The following CUX2 variants were observed in gnomAD, a reference collection of about 807,000 sequenced individuals.
CUX2 encodes cut like homeobox 2.
In CUX2, 40 loss-of-function variants were observed where a neutral mutation model predicts 144.8. That is an observed-to-expected ratio of 0.28 (90% CI 0.21 to 0.36). CUX2 has a LOEUF of 0.36. Among genes scored for constraint, CUX2 ranks in the 10% least tolerant of loss-of-function variants. The pLI is 1.00. For synonymous variants in CUX2, 827 were observed against 875.6 expected (o/e 0.94, Z 0.98); for missense variants, 1,615 against 1,994.0 (o/e 0.81, Z 3.62).
At chr12:111,115,387 G>A (rs532754968) in intron 1 of CUX2, among the ~76,000 whole-genome samples, 2 of 141,724 alleles carry the variant, frequency 1.4e-5, no homozygotes, top group African/African-American at 5.2e-5. Context: ...CCAGGTTCAC[G>A]CCATTCTCCT....
intron 1 of CUX2, among the ~76,000 whole-genome samples, chr12:111,194,317 GTTA>G (rs1416692761): frequency 2.6e-5 from 4 of 152,198 alleles, no homozygotes; most frequent in Admixed American, 2.6e-4. Flanking sequence ...AGCCGTCACT[GTTA>G]TTATTCTCTC....
chr12:111,278,335 C>T (rs549564450), intron 4 of CUX2, among the ~76,000 whole-genome samples: 1 of 152,310 alleles, frequency 6.6e-6, no homozygotes, highest in East Asian at 1.9e-4. Context: ...AAGGATTGAT[C>T]GCTTGAGCCC....
At chr12:111,284,551 A>G (rs1885278115) in intron 4 of CUX2, among the ~76,000 whole-genome samples, 1 of 152,196 alleles carries the variant, frequency 6.6e-6, no homozygotes, top group Admixed American at 6.5e-5. Context: ...TACAAAACTT[A>G]GGTTTCACAT....
At chr12:111,108,544 T>C (rs1873744480) in intron 1 of CUX2, among the ~76,000 whole-genome samples, 1 of 152,162 alleles carries the variant, frequency 6.6e-6, no homozygotes, top group African/African-American at 2.4e-5. Flanking sequence ...TATTTATCTA[T>C]TCAGTTTTTT....
In CUX2 at chr12:111,312,316, AC is replaced by A; in HGVS notation, c.2002+117del. ...AGGGAATCCAAGGTGGATCAGAACC[AC>A]CAGAGGCCAGAGGGACCTGTCTAGA... On this transcript the variant is annotated intron_variant, in intron 16 of 21. Transcript: ENST00000261726. This position sits in a 1 kb window ranked among gnomAD's most constrained non-coding sequence, Gnocchi z 4.3. 1 of 889,146 alleles carries A rather than the reference AC, an allele frequency of 1.1e-6. No homozygotes were observed. The highest frequency in any genetic ancestry group is 1.7e-6 in the Non-Finnish European group (1 of 581,218). The allele number at this position is 889,146 out of a possible 1,614,324, so 55.1% of individuals were successfully genotyped here. A position where few individuals can be genotyped will look rare whatever the true frequency, so the allele number is the denominator to read the frequency against.
intron 3 of CUX2, among the ~76,000 whole-genome samples, chr12:111,249,944 A>G (rs1229439521): frequency 6.6e-6 from 1 of 152,150 alleles, no homozygotes; most frequent in Non-Finnish European, 1.5e-5. Context: ...ACTATAGTCC[A>G]TACTTTACGT....
chr12:111,220,154 A>AG (rs1881768801), intron 3 of CUX2, among the ~76,000 whole-genome samples: 1 of 152,086 alleles, frequency 6.6e-6, no homozygotes, highest in Non-Finnish European at 1.5e-5. Context: ...AAAAAAAAAA[A>AG]AAAATTATGC....
chr12:111,346,387 A>T (rs1888806043), intron 21 of CUX2, among the ~76,000 whole-genome samples: 1 of 151,356 alleles, frequency 6.6e-6, no homozygotes, highest in Non-Finnish European at 1.5e-5. Context: ...GAGGCAGTAG[A>T]ATAGGTTGAA....
Position 111,154,874 on chromosome 12 carries a change from A to T in CUX2, c.64-59326A>T, listed in dbSNP as rs1877278999. Among the ~76,000 whole-genome samples the T allele has an allele frequency of 2.0e-5, 3 of 152,052 alleles. No homozygotes were observed. The South Asian group carries it at 6.2e-4, about 32-fold the overall frequency. ...GTTTGGGGAGGCCAGAGATGTGAGG[A>T]CCTTCCTTTGGGGATGACAGCCTTG... is the stretch of plus-strand genomic sequence containing the variant. On this transcript the variant is annotated intron_variant, in intron 1 of 21. Coordinates refer to ENST00000261726, the MANE Select transcript of CUX2 (RefSeq NM_015267.4).
At chr12:111,138,384 G>C (rs1876066503) in intron 1 of CUX2, among the ~76,000 whole-genome samples, 1 of 151,594 alleles carries the variant, frequency 6.6e-6, no homozygotes, top group Admixed American at 6.6e-5. Flanking sequence ...GAGAGGAGGG[G>C]TAGGGGTGGA....
intron 3 of CUX2, among the ~76,000 whole-genome samples, chr12:111,229,643 T>C (rs1225529567): frequency 6.6e-6 from 1 of 152,114 alleles, no homozygotes; most frequent in Non-Finnish European, 1.5e-5. Context: ...GGCTCACACC[T>C]GTAAGCCCAG....
At chr12:111,175,178 T>C (rs962010266) in intron 1 of CUX2, among the ~76,000 whole-genome samples, 10 of 152,228 alleles carry the variant, frequency 6.6e-5, no homozygotes, top group African/African-American at 2.2e-4. Context: ...ATTCCATTTC[T>C]ATTCATCTGG....
chr12:111,338,508 G>C (rs1888450513), intron 20 of CUX2, 34 bp downstream of exon 20: 5 of 1,572,492 alleles, frequency 3.2e-6, no homozygotes, highest in Admixed American at 3.6e-5. Context: ...CCCCAGCACT[G>C]GGTCTCAGAT....
At position 111,322,368 on chromosome 12, in the gene CUX2, A is replaced by G; in HGVS notation, c.2767-53A>G. ...AAGGTTGGGGAGGAGAGTGAGGGCC[A>G]GGCCCATGTCCCAGGGGCCTGCTGA... On this transcript the variant is annotated intron_variant, in intron 17 of 21. Coordinates refer to ENST00000261726, the MANE Select transcript of CUX2 (RefSeq NM_015267.4). The surrounding 1 kb of genome is among the most constrained non-coding windows in gnomAD (Gnocchi z 4.2). 7.5e-7 allele frequency: 1 copy of G among 1,336,472 alleles called. No homozygotes were observed. Among genetic ancestry groups the G allele is most frequent in the Admixed American group, 2.7e-5 (1 of 37,616 alleles). The allele number at this position is 1,336,472 out of a possible 1,614,324, so 82.8% of individuals were successfully genotyped here.
chr12:111,296,520 G>C lies in CUX2; in HGVS notation c.685G>C (p.Asp229His). Residue 229 changes from aspartate to histidine, a missense_variant, in exon 8 of 22, where the codon GAC becomes CAC. Asp to His is a moderately conservative substitution (Grantham distance 81). This residue lies in a region of CUX2 where 295 missense variants were observed against 400.2 expected (regional missense o/e 0.74). Transcript: ENST00000261726. ...GCTGCTAGAGCTGCGGCGGAAGTAC[G>C]ACGAGGAGGCAGCATCCAAGTAAGT... ...AELLELRRKY[D>H]EEAASKADEV... The C allele has an allele frequency of 6.2e-7, 1 of 1,611,490 alleles. No individual in the cohort carries two copies. Among genetic ancestry groups the C allele is most frequent in the Non-Finnish European group, 8.5e-7 (1 of 1,178,794 alleles).
intron 1 of CUX2, among the ~76,000 whole-genome samples, chr12:111,130,184 C>A (rs529854264): frequency 1.6e-4 from 25 of 152,270 alleles, no homozygotes; most frequent in African/African-American, 5.3e-4. Context: ...TAAGGGGACC[C>A]GGCCTCCCCT....
At chr12:111,296,702 ACGC>A in intron 8 of CUX2, among the ~76,000 whole-genome samples, 163 bp downstream of exon 8, 1 of 120,414 alleles carries the variant, frequency 8.3e-6, no homozygotes, top group East Asian at 2.7e-4. Context: ...CATCCCAGAC[ACGC>A]CTCCACCCTC....
chr12:111,143,727 C>T (rs1876482670), intron 1 of CUX2, among the ~76,000 whole-genome samples: 1 of 151,944 alleles, frequency 6.6e-6, no homozygotes, highest in African/African-American at 2.4e-5. Flanking sequence ...CCTTCTCCAT[C>T]AATGTGCGTC....
chr12:111,051,224 A>G (rs1870248051), intron 1 of CUX2, among the ~76,000 whole-genome samples: 2 of 152,198 alleles, frequency 1.3e-5, no homozygotes, highest in African/African-American at 4.8e-5. Context: ...CATGCTCAGC[A>G]TGGACTGGTC....
Sources: gnomAD v4.1 joint callset for allele counts (sites outside exome capture counted in the v4.1 genomes callset) on GRCh38, gnomAD v4.1.1 for gene constraint, gnomAD v4.1.1 regional missense constraint, Gnocchi (gnomAD v3.1) non-coding constraint, MANE v1.5 for transcripts, NCBI Gene and HGNC (gene_info 2026-07-23, HGNC 2026-07-21) for gene names.